Variants in MAP2K6 observed in about 807,000 individuals in gnomAD.
MAP2K6 encodes mitogen-activated protein kinase kinase 6.
A neutral mutation model predicts 53.7 loss-of-function variants in MAP2K6; 16 were observed. The ratio of observed to expected loss-of-function variants is 0.30; its 90% CI spans 0.20 to 0.45. The LOEUF is 0.45. Among genes scored for constraint, MAP2K6 ranks in the 20% least tolerant of loss-of-function variants. The pLI is 1.00. For synonymous variants in MAP2K6, 132 were observed against 143.1 expected, an observed-to-expected ratio of 0.92 and a Z score of 0.55; for missense variants, 204 against 411.9, an observed-to-expected ratio of 0.50 and a Z score of 4.37.
chr17:69,454,600 C>T (rs958680419), intron 1 of MAP2K6, among the ~76,000 whole-genome samples: 1 of 151,790 alleles, frequency 6.6e-6, no homozygotes, highest in Non-Finnish European at 1.5e-5. Flanking sequence ...GCTATGTTGA[C>T]CAGGCTGGTC....
chr17:69,436,031 AAAC>A (rs1010561918), intron 1 of MAP2K6, among the ~76,000 whole-genome samples: 40 of 152,162 alleles, frequency 2.6e-4, no homozygotes, highest in African/African-American at 9.4e-4. Flanking sequence ...AAAAAAAAAA[AAAC>A]AAATGTGCTG....
At chr17:69,505,907 G>C (rs1909446228) in intron 2 of MAP2K6, 61 bp downstream of exon 2, 2 of 1,453,758 alleles carry the variant, frequency 1.4e-6, no homozygotes, top group Non-Finnish European at 1.9e-6. Flanking sequence ...CCTCCTGGGG[G>C]TTTATTTTTG....
chr17:69,509,336 A>G (rs1909690494), intron 2 of MAP2K6, among the ~76,000 whole-genome samples: 1 of 152,122 alleles, frequency 6.6e-6, no homozygotes, highest in South Asian at 2.1e-4. Context: ...ATTTATACCT[A>G]AGTTTTTTTT....
At chr17:69,448,839 C>T (rs1228777068) in intron 1 of MAP2K6, among the ~76,000 whole-genome samples, 2 of 152,090 alleles carry the variant, frequency 1.3e-5, no homozygotes, top group Non-Finnish European at 2.9e-5. Flanking sequence ...TTCTTCTGTC[C>T]TTGGGATTCA....
chr17:69,435,209 C>G (rs1216199582), intron 1 of MAP2K6: 1 of 151,986 alleles, frequency 6.6e-6, no homozygotes, highest in East Asian at 1.9e-4. Flanking sequence ...AAAAGATAAA[C>G]AATGGAGATA....
At position 69,525,063 on chromosome 17, in the gene MAP2K6, C is replaced by T. The variant is rs1263525138; in HGVS notation, c.741+85C>T. The T allele has an allele frequency of 2.6e-6, 3 of 1,175,554 alleles. No homozygotes were observed. The South Asian group carries it at 3.8e-5, about 15-fold the overall frequency. The allele number at this position is 1,175,554 out of a possible 1,614,324, so 72.8% of individuals were successfully genotyped here. ...GGACGTTGGGTTCAAGAAACAAATG[C>T]CCTAAATGCTGGTTTGGGGCGCCCT... On this transcript the variant is annotated intron_variant, in intron 9 of 11. Coordinates refer to ENST00000590474, the MANE Select transcript of MAP2K6 (RefSeq NM_002758.4).
intron 8 of MAP2K6, among the ~76,000 whole-genome samples, chr17:69,524,250 A>G (rs1425603327): frequency 6.6e-6 from 1 of 152,042 alleles, no homozygotes; most frequent in Non-Finnish European, 1.5e-5. Context: ...TACACAATAC[A>G]TATAGCCTGC....
At chr17:69,445,132 G>T (rs1056078177) in intron 1 of MAP2K6, among the ~76,000 whole-genome samples, 1 of 152,138 alleles carries the variant, frequency 6.6e-6, no homozygotes, top group Non-Finnish European at 1.5e-5. Context: ...TGGTGGCCAG[G>T]CTGGTCTCAA....
intron 1 of MAP2K6, among the ~76,000 whole-genome samples, chr17:69,442,704 A>T (rs1906859967): frequency 6.6e-6 from 1 of 152,204 alleles, no homozygotes; most frequent in South Asian, 2.1e-4. Context: ...GTCTTTCAAC[A>T]TGCATTACCT....
At chr17:69,505,088 A>G (rs1287364608) in intron 1 of MAP2K6, among the ~76,000 whole-genome samples, 1 of 152,002 alleles carries the variant, frequency 6.6e-6, no homozygotes, top group Non-Finnish European at 1.5e-5. Flanking sequence ...AAAGAAAAAA[A>G]AAAAGCTATA....
chr17:69,526,584 C>A lies in MAP2K6; in HGVS notation c.756C>A (p.Ile252=), dbSNP rs1167968888. 1.2e-6 allele frequency: 2 copies of A among 1,613,580 alleles called. No homozygotes were observed. The highest frequency in any genetic ancestry group is 8.5e-7 in the Non-Finnish European group (1 of 1,179,972). The change falls in exon 10 of 12, where the codon ATC becomes ATA. Residue 252 remains isoleucine, a synonymous_variant. Transcript: ENST00000590474. The stretch of plus-strand genomic sequence containing the variant: ...CTTTTCTCCAGATTGAGTTGGCCAT[C>A]CTTCGATTTCCCTATGATTCATGGG... ...SLGITMIELA[I]LRFPYDSWGT... is the part of the protein sequence containing the mutation.
chr17:69,443,918 C>A (rs1443573375), intron 1 of MAP2K6, among the ~76,000 whole-genome samples: 5 of 152,184 alleles, frequency 3.3e-5, no homozygotes, highest in Non-Finnish European at 7.3e-5. Flanking sequence ...GAGGCATAAA[C>A]ATGTCCTGTG....
chr17:69,416,435 G>A (rs1905904147), intron 1 of MAP2K6, among the ~76,000 whole-genome samples: 1 of 152,188 alleles, frequency 6.6e-6, no homozygotes, highest in Non-Finnish European at 1.5e-5. Context: ...TTATTGAGTA[G>A]AGAAATAATA....
intron 1 of MAP2K6, among the ~76,000 whole-genome samples, chr17:69,481,599 G>C (rs191989823): frequency 9.1e-4 from 138 of 152,176 alleles, no homozygotes; most frequent in Middle Eastern, 3.4e-3. Flanking sequence ...CTGAGATCAA[G>C]GTGTTATTAG....
chr17:69,445,245 A>T (rs1394222810), intron 1 of MAP2K6, among the ~76,000 whole-genome samples: 1 of 152,200 alleles, frequency 6.6e-6, no homozygotes, highest in Non-Finnish European at 1.5e-5. Flanking sequence ...ATCAGAAAGA[A>T]ATTTTACCAA....
intron 1 of MAP2K6, among the ~76,000 whole-genome samples, chr17:69,468,661 GA>G (rs763788091): frequency 3.3e-4 from 51 of 152,322 alleles, no homozygotes; most frequent in Non-Finnish European, 5.1e-4. Flanking sequence ...GAAGAGGAAT[GA>G]AGGGAGCCAG....
In MAP2K6 at chr17:69,516,908, G is replaced by GA; in HGVS notation, c.132+11dup. ...TGCATTTCTATTGGAAATCAGGTAAGAAAAAATCATGTCTGCCACCTAATA... is the reference window on the plus strand; with the variant it reads ...TGCATTTCTATTGGAAATCAGGTAAGAAAAAAATCATGTCTGCCACCTAATA... On this transcript the variant is annotated splice_donor_region_variant and intron_variant, in intron 3 of 11. Transcript: ENST00000590474. 1 of 1,589,340 alleles carries GA rather than the reference G, an allele frequency of 6.3e-7. No homozygotes were observed.
At chr17:69,524,167 G>A (rs570154633) in intron 8 of MAP2K6, among the ~76,000 whole-genome samples, 3 of 151,802 alleles carry the variant, frequency 2.0e-5, no homozygotes, top group Admixed American at 6.6e-5. Context: ...ATTTTGGTGG[G>A]GCACAGACAT....
intron 1 of MAP2K6, among the ~76,000 whole-genome samples, chr17:69,427,470 A>G (rs141062829): frequency 8.8e-4 from 134 of 152,348 alleles, no homozygotes; most frequent in African/African-American, 3.0e-3. Flanking sequence ...AATATTTAAT[A>G]CAATTAATAG....
Sources: gnomAD v4.1 joint callset for allele counts (sites outside exome capture counted in the v4.1 genomes callset) on GRCh38, gnomAD v4.1.1 for gene constraint, MANE v1.5 for transcripts, NCBI Gene and HGNC (gene_info 2026-07-23, HGNC 2026-07-21) for gene names.